The following LUZP2 variants were observed in gnomAD, a reference collection of about 807,000 sequenced individuals.
LUZP2 encodes the protein leucine zipper protein 2.
Under a neutral mutation model 51.6 loss-of-function variants are expected in LUZP2, and 52 were observed. The observed-to-expected ratio is 1.01, with a 90% CI of 0.81 to 1.27. The LOEUF (loss-of-function observed/expected upper bound fraction) is 1.27. LUZP2 is among the 50% of genes most tolerant of loss of function. LUZP2 has a pLI of 0.00. For synonymous variants in LUZP2, 154 were observed against 137.3 expected, an observed-to-expected ratio of 1.12 and a Z score of -0.85; for missense variants, 436 against 395.4, an observed-to-expected ratio of 1.10 and a Z score of -0.87.
chr11:24,719,422 T>C (rs1051386438), intron 1 of LUZP2, among the ~76,000 whole-genome samples: 15 of 152,204 alleles, frequency 9.9e-5, no homozygotes, highest in African/African-American at 3.6e-4. Context: ...TCAGTCTTAG[T>C]GCTGACCAAT....
intron 7 of LUZP2, among the ~76,000 whole-genome samples, chr11:24,927,064 A>G (rs1265009672): frequency 6.7e-6 from 1 of 149,236 alleles, no homozygotes; most frequent in Non-Finnish European, 1.5e-5. Context: ...AGAATTTTCT[A>G]TTCATGTTCT....
intron 7 of LUZP2, among the ~76,000 whole-genome samples, chr11:24,931,335 G>A (rs191636882): frequency 3.8e-4 from 57 of 151,968 alleles, no homozygotes; most frequent in African/African-American, 1.3e-3. Flanking sequence ...TTTGAGCTCC[G>A]AAGTTCTTTC....
At position 24,964,082 on chromosome 11, in the gene LUZP2, A is replaced by G. The variant is rs192127517; in HGVS notation, c.523-12509A>G. Among the ~76,000 whole-genome samples, 920 of 152,312 alleles carry G rather than the reference A, an allele frequency of 6.0e-3. 3 individuals carry two copies. Among genetic ancestry groups the G allele is most frequent in the Middle Eastern group, 0.01 (3 of 294 alleles). Reference sequence around the variant, plus strand: ...ATTTTCAGTGTTTTGAGAAACCTCCATATGGTTTTCTTCAATGGCTGTACT... The same window carrying G: ...ATTTTCAGTGTTTTGAGAAACCTCCGTATGGTTTTCTTCAATGGCTGTACT... On this transcript the variant is annotated intron_variant, in intron 7 of 11. Coordinates refer to ENST00000336930, the MANE Select transcript of LUZP2 (RefSeq NM_001009909.4).
chr11:24,764,489 C>CAAACAAAAAAA (rs1565124723), intron 5 of LUZP2, among the ~76,000 whole-genome samples: 1 of 56,420 alleles, frequency 1.8e-5, no homozygotes, highest in Non-Finnish European at 3.5e-5. Flanking sequence ...AATCTCATCT[C>CAAACAAAAAAA]TAAAAAAAAA....
intron 9 of LUZP2, among the ~76,000 whole-genome samples, chr11:25,026,740 G>A (rs1857504048): frequency 6.6e-6 from 1 of 151,890 alleles, no homozygotes; most frequent in African/African-American, 2.4e-5. Context: ...ATATTTTTCT[G>A]ACACATGACA....
intron 7 of LUZP2, among the ~76,000 whole-genome samples, chr11:24,939,620 C>T (rs539976719): frequency 1.3e-5 from 2 of 152,032 alleles, no homozygotes; most frequent in Middle Eastern, 3.4e-3. Flanking sequence ...TTAAGAAAAT[C>T]GTCTAACAAA....
At chr11:24,840,331 C>T (rs1850989569) in intron 5 of LUZP2, among the ~76,000 whole-genome samples, 1 of 151,786 alleles carries the variant, frequency 6.6e-6, no homozygotes, top group African/African-American at 2.4e-5. Context: ...AGAGGCATAG[C>T]CTTATATAGG....
intron 7 of LUZP2, among the ~76,000 whole-genome samples, chr11:24,936,615 C>A (rs1342842545): frequency 6.6e-6 from 1 of 151,576 alleles, no homozygotes; most frequent in Admixed American, 6.6e-5. Context: ...TTTTATATAC[C>A]TACCTGCTTG....
intron 1 of LUZP2, among the ~76,000 whole-genome samples, chr11:24,678,784 C>T (rs1482413122): frequency 2.0e-5 from 3 of 152,170 alleles, no homozygotes; most frequent in Non-Finnish European, 4.4e-5. Flanking sequence ...CACAGCACGT[C>T]GCCCAATGTT....
intron 7 of LUZP2, among the ~76,000 whole-genome samples, chr11:24,926,523 A>C: frequency 1.4e-5 from 2 of 146,740 alleles, no homozygotes; most frequent in African/African-American, 2.5e-5. Flanking sequence ...ATACGTGTAT[A>C]TATGTGTGTG....
At chr11:24,754,859 A>G (rs1859713565) in intron 4 of LUZP2, among the ~76,000 whole-genome samples, 1 of 152,136 alleles carries the variant, frequency 6.6e-6, no homozygotes, top group Admixed American at 6.6e-5. Context: ...AAAACCAAAG[A>G]CACTGGCTGG....
chr11:25,043,443 T>C (rs1858140304), intron 9 of LUZP2, among the ~76,000 whole-genome samples: 1 of 151,182 alleles, frequency 6.6e-6, no homozygotes, highest in Non-Finnish European at 1.5e-5. Flanking sequence ...ATATTCAATT[T>C]CTCCCTTCCT....
intron 8 of LUZP2, 62 bp from the exon 9 acceptor site, chr11:24,983,064 T>A: frequency 6.6e-7 from 1 of 1,525,986 alleles, no homozygotes; most frequent in African/African-American, 1.4e-5. Context: ...AAAGGGAGAA[T>A]GCAAGCAGAT....
At chr11:25,045,957 G>A (rs1401689840) in intron 9 of LUZP2, among the ~76,000 whole-genome samples, 1 of 152,108 alleles carries the variant, frequency 6.6e-6, no homozygotes, top group Non-Finnish European at 1.5e-5. Context: ...ACAAGCCTGG[G>A]CACAGGCAGA....
intron 4 of LUZP2, among the ~76,000 whole-genome samples, chr11:24,746,081 C>G (rs1859369628): frequency 1.3e-5 from 2 of 152,116 alleles, no homozygotes; most frequent in African/African-American, 4.8e-5. Context: ...AATCGTTGTG[C>G]TGTTATGTAC....
intron 5 of LUZP2, among the ~76,000 whole-genome samples, chr11:24,783,966 C>A (rs543376256): frequency 6.6e-5 from 10 of 151,958 alleles, no homozygotes; most frequent in Non-Finnish European, 8.8e-5. Context: ...AGAAAGTAGA[C>A]CTCCTGAATT....
At chr11:24,928,921 T>C (rs970972058) in intron 7 of LUZP2, among the ~76,000 whole-genome samples, 34 of 152,154 alleles carry the variant, frequency 2.2e-4, no homozygotes, top group African/African-American at 7.5e-4. Flanking sequence ...GTTATTGGTC[T>C]CTTCAGAGTT....
intron 5 of LUZP2, among the ~76,000 whole-genome samples, chr11:24,840,901 C>T (rs1851008081): frequency 1.3e-5 from 2 of 152,028 alleles, no homozygotes; most frequent in East Asian, 1.9e-4. Context: ...AAAGCCTCAA[C>T]ATTTCTCCAA....
intron 1 of LUZP2, among the ~76,000 whole-genome samples, chr11:24,727,391 T>G (rs1226634886): frequency 1.3e-5 from 2 of 152,048 alleles, no homozygotes; most frequent in Non-Finnish European, 2.9e-5. Context: ...TGTGACTTAA[T>G]TTCCGTGCCT....
Sources: gnomAD v4.1 joint callset for allele counts (sites outside exome capture counted in the v4.1 genomes callset) on GRCh38, gnomAD v4.1.1 for gene constraint, MANE v1.5 for transcripts, NCBI Gene and HGNC (gene_info 2026-07-23, HGNC 2026-07-21) for gene names.